The following PCM1 variants were observed in gnomAD, a reference collection of about 807,000 sequenced individuals.
PCM1 encodes the protein pericentriolar material 1.
In PCM1, 157 loss-of-function variants were observed where a neutral mutation model predicts 241.9. The ratio of observed to expected loss-of-function variants is 0.65; its 90% CI spans 0.57 to 0.74. The LOEUF is 0.74. PCM1 is among the 30% of genes least tolerant of loss of function. The probability of loss-of-function intolerance (pLI) is 0.00; values close to 1 mark genes in which losing one functional copy is unlikely to be tolerated. For synonymous variants in PCM1, 1,085 were observed against 784.9 expected, an observed-to-expected ratio of 1.38 and a Z score of -6.39; for missense variants, 3,478 against 2,360.1, an observed-to-expected ratio of 1.47 and a Z score of -9.81.
At chr8:17,928,928 G>A (rs978455907) in intron 2 of PCM1, among the ~76,000 whole-genome samples, 9 of 151,974 alleles carry the variant, frequency 5.9e-5, no homozygotes, top group African/African-American at 1.5e-4. Flanking sequence ...CACCGCACCC[G>A]ACCAGTATCT....
At chr8:18,009,861 C>T in intron 31 of PCM1, 117 bp downstream of exon 31, 1 of 577,792 alleles carries the variant, frequency 1.7e-6, no homozygotes, top group Non-Finnish European at 2.8e-6. Context: ...TTAGTAATAC[C>T]AGTTAATCAC....
chr8:18,028,333 G>T lies in PCM1; in HGVS notation c.*671G>T. ...TACATCATTATCATCTGTTTGTTAG[G>T]ATTTGAAATTCTGGAAAATATTTAT... is the stretch of plus-strand genomic sequence containing the variant. On this transcript the variant is annotated 3_prime_UTR_variant, in exon 39 of 39. Transcript: ENST00000325083. The T allele has an allele frequency of 5.3e-6, 1 of 190,232 alleles. No homozygotes were observed. The highest frequency in any genetic ancestry group is 1.1e-5 in the Non-Finnish European group (1 of 90,742). The allele number at this position is 190,232 out of a possible 1,614,324, so 11.8% of individuals were successfully genotyped here.
In PCM1 at chr8:18,027,676, G is replaced by A. The variant is rs369738632; in HGVS notation, c.*14G>A. The A allele has an allele frequency of 2.3e-5, 37 of 1,575,134 alleles. No homozygotes were observed. In the African/African-American group the frequency reaches 4.7e-4, roughly 20 times the overall value. On this transcript the variant is annotated 3_prime_UTR_variant, in exon 39 of 39. Coordinates refer to ENST00000325083, the MANE Select transcript of PCM1 (RefSeq NM_006197.4). Reference sequence around the variant, plus strand: ...CAGAGTATATGAGATGTCTTCAGAGGCTCATCTAACTCTGTCCTTACATAC... The same window carrying A: ...CAGAGTATATGAGATGTCTTCAGAGACTCATCTAACTCTGTCCTTACATAC...
In PCM1 at chr8:17,967,134, A is replaced by G. The variant is rs773610626; in HGVS notation, c.3376A>G (p.Ile1126Val). 5.6e-5 allele frequency: 90 copies of G among 1,603,216 alleles called. No homozygotes were observed. The highest frequency in any genetic ancestry group is 1.7e-4 in the Middle Eastern group (1 of 6,050). The change falls in exon 21 of 39, where the codon ATA becomes GTA. Residue 1126 changes from isoleucine to valine, a missense_variant. By Grantham distance (29) the Ile-to-Val change is conservative. Coordinates refer to ENST00000325083, the MANE Select transcript of PCM1 (RefSeq NM_006197.4). The stretch of plus-strand genomic sequence containing the variant: ...AACACAGCCTGTAAATCTCTTCAAT[A>G]TACCTGGATTTACTAACTTTTCATC... ...FPTQPVNLFNIPGFTNFSSFA... is the reference protein window; with the variant it reads ...FPTQPVNLFNVPGFTNFSSFA...
Position 17,986,071 on chromosome 8 carries a change from T to C in PCM1, c.4394T>C (p.Leu1465Pro), listed in dbSNP as rs748413756. ...SNSELTPSES[L>P]ATTDDETFEK... ...TCAGAACTTACTCCTAGTGAGAGCC[T>C]TGCTACTACTGATGATGTAAGCTGA... The change falls in exon 26 of 39, where the codon CTT becomes CCT. Residue 1465 changes from leucine (L) to proline (P), a missense_variant. Physicochemically the swap from Leu to Pro is moderately conservative, Grantham distance 98. Transcript: ENST00000325083. The C allele has an allele frequency of 1.9e-6, 3 of 1,583,842 alleles. No individual in the cohort carries two copies. The highest frequency in any genetic ancestry group is 2.6e-6 in the Non-Finnish European group (3 of 1,165,206).
intron 2 of PCM1, among the ~76,000 whole-genome samples, chr8:17,928,616 CTTTTTTTTTTTTTT>C (rs71215287): frequency 8.5e-5 from 7 of 82,586 alleles, no homozygotes; most frequent in Middle Eastern, 8.9e-3. Context: ...GTATCTCCCT[CTTTTTTTTTTTTTT>C]TTTTTTTTTT....
intron 27 of PCM1, among the ~76,000 whole-genome samples, chr8:17,990,395 A>G (rs1349590623): frequency 6.6e-6 from 1 of 151,946 alleles, no homozygotes; most frequent in East Asian, 1.9e-4. Context: ...TGAGTTAAGC[A>G]GTCAGTTTTC....
At chr8:17,991,115 C>T (rs2084474062) in intron 27 of PCM1, among the ~76,000 whole-genome samples, 1 of 151,402 alleles carries the variant, frequency 6.6e-6, no homozygotes, top group African/African-American at 2.4e-5. Context: ...TGGGAAATTT[C>T]ATTGATAGGC....
At position 18,029,097 on chromosome 8, in the gene PCM1, G is replaced by T. The variant is rs1454646921; in HGVS notation, c.*1435G>T. The T allele has an allele frequency of 6.1e-6, 1 of 163,862 alleles. No homozygotes were observed. The highest frequency in any genetic ancestry group is 1.3e-5 in the Non-Finnish European group (1 of 79,614). 10.2% of individuals were successfully genotyped at this position (163,862 alleles called of 1,614,324 possible). On this transcript the variant is annotated 3_prime_UTR_variant, in exon 39 of 39. Transcript: ENST00000325083. Reference sequence around the variant, plus strand: ...ACCCGGGAGGTGGAGGTTGCAGGTTGCAGTGAGCCGAGATCATGCCACTGC... The same window carrying T: ...ACCCGGGAGGTGGAGGTTGCAGGTTTCAGTGAGCCGAGATCATGCCACTGC...
chr8:17,931,425 A>G (rs1585627818), intron 2 of PCM1, among the ~76,000 whole-genome samples: 2 of 152,198 alleles, frequency 1.3e-5, no homozygotes, highest in Non-Finnish European at 1.5e-5. Flanking sequence ...AGTAACTAGG[A>G]CTACAGGCGT....
chr8:18,010,573 T>C, intron 31 of PCM1, 36 bp from the exon 32 acceptor site: 1 of 1,481,878 alleles, frequency 6.7e-7, no homozygotes, highest in Non-Finnish European at 9.3e-7. Flanking sequence ...TATCTAAGTA[T>C]GTTGCTAAAT....
chr8:18,026,955 A>T (rs2094271941), intron 38 of PCM1, among the ~76,000 whole-genome samples: 2 of 152,176 alleles, frequency 1.3e-5, no homozygotes, highest in African/African-American at 4.8e-5. Context: ...TATAAATATC[A>T]TTCATTGTAG....
In PCM1 at chr8:17,973,717, GAA is replaced by G. The variant is rs756070246; in HGVS notation, c.3943+1045_3943+1046del. 1.4e-3 allele frequency among the ~76,000 whole-genome samples: 155 copies of G among 112,586 alleles called. 1 individual carries two copies. The highest frequency in any genetic ancestry group is 4.8e-3 in the African/African-American group (146 of 30,660). The allele number at this position is 112,586 out of a possible 152,430, so 73.9% of individuals were successfully genotyped here. ...TGCGTGACAGAGCAAGTCTCTGTCAGAAAAAAAAAAAAAAAATTGGTGTTTAA... is the reference window on the plus strand; with the variant it reads ...TGCGTGACAGAGCAAGTCTCTGTCAGAAAAAAAAAAAAAATTGGTGTTTAA... On this transcript the variant is annotated intron_variant, in intron 23 of 38. Coordinates refer to ENST00000325083, the MANE Select transcript of PCM1 (RefSeq NM_006197.4).
chr8:17,978,418 A>G (rs2079510509), intron 23 of PCM1, among the ~76,000 whole-genome samples: 1 of 152,128 alleles, frequency 6.6e-6, no homozygotes, highest in South Asian at 2.1e-4. Flanking sequence ...ACCTATGCAG[A>G]GTCTGGCAAA....
At chr8:17,996,282 G>A (rs2086715420) in intron 29 of PCM1, among the ~76,000 whole-genome samples, 1 of 152,078 alleles carries the variant, frequency 6.6e-6, no homozygotes, top group African/African-American at 2.4e-5. Context: ...TTCAGCATCA[G>A]TTAAAATGAT....
At chr8:17,986,219 A>G in intron 26 of PCM1, 132 bp downstream of exon 26, 1 of 603,380 alleles carries the variant, frequency 1.7e-6, no homozygotes, top group Non-Finnish European at 2.7e-6. Flanking sequence ...ACTTGGGTAT[A>G]ATGTGTTATT....
intron 6 of PCM1, among the ~76,000 whole-genome samples, chr8:17,945,883 A>C (rs1378730829): frequency 2.0e-5 from 3 of 152,226 alleles, no homozygotes; most frequent in Non-Finnish European, 2.9e-5. Context: ...TTAGCAGTAC[A>C]AATTTAAAAT....
chr8:17,964,390 A>G (rs1054023460), intron 17 of PCM1, among the ~76,000 whole-genome samples, 178 bp from the exon 18 acceptor site: 2 of 152,250 alleles, frequency 1.3e-5, no homozygotes, highest in African/African-American at 4.8e-5. Context: ...AACTAAACAT[A>G]TTCTGTATAT....
chr8:17,938,711 G>C, intron 4 of PCM1, 29 bp from the exon 5 acceptor site: 1 of 1,572,752 alleles, frequency 6.4e-7, no homozygotes, highest in Non-Finnish European at 8.7e-7. Context: ...GTTAATGTTT[G>C]TGTGATTTGA....
Sources: allele counts gnomAD v4.1 joint callset (sites outside exome capture counted in the v4.1 genomes callset), GRCh38; gene constraint gnomAD v4.1.1; transcripts MANE v1.5; gene names NCBI Gene and HGNC (gene_info 2026-07-23, HGNC 2026-07-21).